Variants in FGGY observed in about 807,000 individuals in gnomAD.
FGGY encodes FGGY carbohydrate kinase domain-containing protein.
A neutral mutation model predicts 71.3 loss-of-function variants in FGGY; 72 were observed. The ratio of observed to expected loss-of-function variants is 1.01; its 90% confidence interval spans 0.84 to 1.23. The LOEUF (loss-of-function observed/expected upper bound fraction) is 1.23. FGGY is among the 50% of genes most tolerant of loss of function. FGGY has a pLI of 0.00. For missense variants in FGGY, 668 were observed against 682.3 expected (o/e 0.98, Z 0.23); for synonymous variants, 251 against 250.3 (o/e 1.00, Z -0.02).
At chr1:59,359,571 C>T (rs2055004129) in intron 4 of FGGY, among the ~76,000 whole-genome samples, 1 of 152,184 alleles carries the variant, frequency 6.6e-6, no homozygotes, top group South Asian at 2.1e-4. Flanking sequence ...ATTACCTCTT[C>T]TGAACCCAGG....
At chr1:59,569,426 G>T (rs1432297640) in intron 8 of FGGY, among the ~76,000 whole-genome samples, 3 of 152,100 alleles carry the variant, frequency 2.0e-5, no homozygotes, top group Non-Finnish European at 4.4e-5. Flanking sequence ...GCTAGTATGT[G>T]GTATTTTATA....
At chr1:59,601,729 A>T (rs1194429248) in intron 8 of FGGY, among the ~76,000 whole-genome samples, 2 of 152,176 alleles carry the variant, frequency 1.3e-5, no homozygotes, top group Non-Finnish European at 2.9e-5. Flanking sequence ...TACATCACTT[A>T]TTGGCTCTGA....
intron 14 of FGGY, among the ~76,000 whole-genome samples, chr1:59,687,204 C>T (rs905932055): frequency 1.3e-5 from 2 of 152,122 alleles, no homozygotes; most frequent in African/African-American, 2.4e-5. Flanking sequence ...GAAGTCAGGT[C>T]ATTTCTCCCC....
chr1:59,538,748 A>G (rs2095383652), intron 7 of FGGY, among the ~76,000 whole-genome samples: 1 of 151,610 alleles, frequency 6.6e-6, no homozygotes, highest in African/African-American at 2.4e-5. Flanking sequence ...AGCAAGAACA[A>G]AAAACCAAAT....
chr1:59,479,610 G>A (rs1422563465), intron 6 of FGGY, among the ~76,000 whole-genome samples: 3 of 152,194 alleles, frequency 2.0e-5, no homozygotes, highest in Admixed American at 6.5e-5. Context: ...TGAGGCTTCT[G>A]TTTTCTTTGT....
intron 7 of FGGY, among the ~76,000 whole-genome samples, chr1:59,550,355 G>C (rs1242135423): frequency 1.3e-5 from 2 of 151,990 alleles, no homozygotes; most frequent in African/African-American, 4.8e-5. Flanking sequence ...TCTTTTCTCG[G>C]GGATAGCCCA....
chr1:59,557,499 G>C (rs575115019), intron 8 of FGGY, among the ~76,000 whole-genome samples: 1 of 152,338 alleles, frequency 6.6e-6, no homozygotes, highest in Middle Eastern at 3.4e-3. Context: ...CAGGAATCTG[G>C]AGAAAAAGCC....
chr1:59,639,578 CAG>C (rs988821003), intron 11 of FGGY, among the ~76,000 whole-genome samples: 24 of 152,244 alleles, frequency 1.6e-4, no homozygotes, highest in African/African-American at 5.1e-4. Context: ...TCTCTGTAAA[CAG>C]GGGGTAGGGG....
intron 5 of FGGY, among the ~76,000 whole-genome samples, chr1:59,444,345 A>G (rs1162519514): frequency 2.6e-5 from 4 of 152,302 alleles, no homozygotes; most frequent in South Asian, 4.1e-4. Context: ...CCATACATAT[A>G]ATGCATAGTG....
At chr1:59,425,842 C>T (rs2066269884) in intron 5 of FGGY, among the ~76,000 whole-genome samples, 1 of 152,180 alleles carries the variant, frequency 6.6e-6, no homozygotes, top group Non-Finnish European at 1.5e-5. Flanking sequence ...AGAAAATCAG[C>T]TGACTCCTTA....
intron 4 of FGGY, among the ~76,000 whole-genome samples, chr1:59,374,073 A>G (rs1173223986): frequency 6.6e-6 from 1 of 152,246 alleles, no homozygotes; most frequent in African/African-American, 2.4e-5. Flanking sequence ...TAAACTAAAG[A>G]GCTTCTGCAC....
chr1:59,512,544 T>C, intron 7 of FGGY, 105 bp downstream of exon 7: 1 of 1,268,498 alleles, frequency 7.9e-7, no homozygotes, highest in Non-Finnish European at 1.0e-6. Flanking sequence ...TCAAGGACTT[T>C]GGTGTTTCAG....
At chr1:59,364,609 T>A (rs2056245667) in intron 4 of FGGY, among the ~76,000 whole-genome samples, 1 of 152,206 alleles carries the variant, frequency 6.6e-6, no homozygotes, top group African/African-American at 2.4e-5. Flanking sequence ...ATAAAAAACA[T>A]AGCTCTTGCC....
intron 4 of FGGY, among the ~76,000 whole-genome samples, chr1:59,364,198 C>T (rs1571028867): frequency 6.6e-6 from 1 of 152,198 alleles, no homozygotes; most frequent in African/African-American, 2.4e-5. Flanking sequence ...TGCAGCCCCC[C>T]TCTCCATTGG....
chr1:59,313,862 T>G (rs915880681), intron 1 of FGGY, among the ~76,000 whole-genome samples: 2 of 152,158 alleles, frequency 1.3e-5, no homozygotes, highest in African/African-American at 4.8e-5. Context: ...CATTGTATAC[T>G]GCTTGGGTGA....
chr1:59,519,679 C>T (rs150783120), intron 7 of FGGY, among the ~76,000 whole-genome samples: 2 of 152,238 alleles, frequency 1.3e-5, no homozygotes, highest in East Asian at 3.9e-4. Flanking sequence ...CTATGATGAC[C>T]ATTTCTTACA....
At chr1:59,388,081 G>A (rs2153369994) in intron 5 of FGGY, among the ~76,000 whole-genome samples, 1 of 152,142 alleles carries the variant, frequency 6.6e-6, no homozygotes, top group South Asian at 2.1e-4. Flanking sequence ...ATACTAGATG[G>A]ATAATACAGC....
At chr1:59,648,062 T>TA (rs1468688005) in intron 11 of FGGY, among the ~76,000 whole-genome samples, 1 of 93,450 alleles carries the variant, frequency 1.1e-5, no homozygotes, top group South Asian at 4.0e-4. Context: ...TCCATGTCCC[T>TA]ACAAAGGACA....
intron 7 of FGGY, among the ~76,000 whole-genome samples, chr1:59,534,562 T>G (rs2095258711): frequency 6.6e-6 from 1 of 151,738 alleles, no homozygotes; most frequent in South Asian, 2.1e-4. Context: ...AAGGAAAAAA[T>G]GTTAAGGGCA....
Sources: gnomAD v4.1 joint callset for allele counts (sites outside exome capture counted in the v4.1 genomes callset) on GRCh38, gnomAD v4.1.1 for gene constraint, MANE v1.5 for transcripts, NCBI Gene and HGNC (gene_info 2026-07-23, HGNC 2026-07-21) for gene names.